The following AP3D1 variants were observed in gnomAD, a reference collection of about 807,000 sequenced individuals.
AP3D1 encodes AP-3 complex subunit delta-1.
AP3D1 carries 51 observed loss-of-function variants against 147.6 expected under a neutral mutation model. The observed-to-expected ratio is 0.35, with a 90% confidence interval of 0.28 to 0.44. The LOEUF (loss-of-function observed/expected upper bound fraction) is 0.44. Among genes scored for constraint, AP3D1 ranks in the 20% least tolerant of loss-of-function variants. The probability of loss-of-function intolerance (pLI) is 1.00; values close to 1 mark genes in which losing one functional copy is unlikely to be tolerated. For synonymous variants in AP3D1, 760 were observed against 663.0 expected (o/e 1.15, Z -2.25); for missense variants, 1,421 against 1,624.2 (o/e 0.87, Z 2.15).
chr19:2,118,610 C>T lies in AP3D1; in HGVS notation c.1704G>A (p.Val568=), dbSNP rs2018522990. ...PQFVQSADLE[V]QERASCILQL... is the part of the protein sequence containing the mutation. Reference sequence around the variant, plus strand: ...GAGTGTTGGATCTTACCCGCTCCTGCACCTCCAGGTCTGCGCTCTGCACAA... The same window carrying T: ...GAGTGTTGGATCTTACCCGCTCCTGTACCTCCAGGTCTGCGCTCTGCACAA... Residue 568 remains valine, a synonymous_variant, in exon 15 of 32, where the codon GTG becomes GTA. Coordinates refer to ENST00000643116, the MANE Select transcript of AP3D1 (RefSeq NM_001261826.3). 6.2e-7 allele frequency: 1 copy of T among 1,609,048 alleles called. No homozygotes were observed. The highest frequency in any genetic ancestry group is 1.1e-5 in the South Asian group (1 of 91,026).
At chr19:2,159,366 G>T (rs1034392052) in intron 1 of AP3D1, among the ~76,000 whole-genome samples, 3 of 150,452 alleles carry the variant, frequency 2.0e-5, no homozygotes, top group African/African-American at 7.4e-5. Flanking sequence ...TTACAGGCAT[G>T]CGCCACCATG....
chr19:2,132,617 T>C (rs1337453117), intron 4 of AP3D1, 39 bp from the exon 5 acceptor site: 1 of 1,568,102 alleles, frequency 6.4e-7, no homozygotes, highest in South Asian at 1.1e-5. Flanking sequence ...CAGGATGCCC[T>C]GGGTGGCACA....
At chr19:2,112,178 CGCA>C (rs967364966) in intron 24 of AP3D1, 19 of 313,826 alleles carry the variant, frequency 6.1e-5, no homozygotes, top group Non-Finnish European at 9.6e-5. Flanking sequence ...ACGCGCACTG[CGCA>C]GATGTTCAAA....
intron 8 of AP3D1, among the ~76,000 whole-genome samples, chr19:2,128,087 T>C (rs949541268): frequency 6.6e-6 from 1 of 152,216 alleles, no homozygotes; most frequent in African/African-American, 2.4e-5. Flanking sequence ...GTCATGGCGA[T>C]GACGCCTCTG....
At position 2,117,362 on chromosome 19, in the gene AP3D1, G is replaced by A; in HGVS notation, c.1719C>T (p.Ser573=). The A allele has an allele frequency of 1.2e-6, 2 of 1,600,504 alleles. No individual in the cohort carries two copies. Among genetic ancestry groups the A allele is most frequent in the South Asian group, 1.1e-5 (1 of 89,960 alleles). The stretch of plus-strand genomic sequence containing the variant: ...TGTGCTTGACCAGCTGCAGGATGCA[G>A]GACGCCTGTGGGGGACACAGGGGTC... ...SADLEVQERA[S]CILQLVKHIQ... is the part of the protein sequence containing the mutation. The change falls in exon 16 of 32, where the codon TCC becomes TCT. Residue 573 remains serine, a synonymous_variant. Transcript: ENST00000643116.
At position 2,115,299 on chromosome 19, in the gene AP3D1, G is replaced by A; in HGVS notation, c.2269C>T (p.His757Tyr). Reference sequence around the variant, plus strand: ...TCGCTCTCCGTGGGCAGCGAGCTGTGGCGGCGCTTGCCCTTCTTCTCCTTC... The same window carrying A: ...TCGCTCTCCGTGGGCAGCGAGCTGTAGCGGCGCTTGCCCTTCTTCTCCTTC... ...KEKEKKGKRRHSSLPTESDED... is the reference protein window; with the variant it reads ...KEKEKKGKRRYSSLPTESDED... The change falls in exon 20 of 32, where the codon CAC (histidine) becomes TAC (tyrosine). Residue 757 changes from histidine (H) to tyrosine (Y), a missense_variant. By Grantham distance (83) the His-to-Tyr change is moderately conservative. Coordinates refer to ENST00000643116, the MANE Select transcript of AP3D1 (RefSeq NM_001261826.3). 6.2e-7 allele frequency: 1 copy of A among 1,612,950 alleles called. No individual in the cohort carries two copies. Among genetic ancestry groups the A allele is most frequent in the Non-Finnish European group, 8.5e-7 (1 of 1,179,972 alleles).
rs753576154 is a variant in AP3D1 at position 2,102,145 on chromosome 19, G to C, written c.*28C>G. On this transcript the variant is annotated 3_prime_UTR_variant, in exon 32 of 32. Coordinates refer to ENST00000643116, the MANE Select transcript of AP3D1 (RefSeq NM_001261826.3). ...TGCGGTCCCTGGGTACGTGCTCCGC[G>C]GGGTGGTGCGGGGCTCGCAGGCAGC... 1 of 1,579,368 alleles carries C rather than the reference G, an allele frequency of 6.3e-7. No homozygotes were observed. Among genetic ancestry groups the C allele is most frequent in the East Asian group, 2.2e-5 (1 of 44,720 alleles).
rs199606019 is a variant in AP3D1, at chr19:2,101,458, A to ACACACGCCCG, written c.*714_*715insCGGGCGTGTG. On this transcript the variant is annotated 3_prime_UTR_variant, in exon 32 of 32. Transcript: ENST00000643116. Reference sequence around the variant, plus strand: ...TAGTGGCAAGCAGGGGATGCGGACCACCCCAAACCCAAGCCGAGATGCACT... The same window carrying ACACACGCCCG: ...TAGTGGCAAGCAGGGGATGCGGACCACACACGCCCGCCCCAAACCCAAGCCGAGATGCACT... 3 of 151,936 alleles carry ACACACGCCCG rather than the reference A, an allele frequency of 2.0e-5. No homozygotes were observed. Among genetic ancestry groups the ACACACGCCCG allele is most frequent in the African/African-American group, 7.3e-5 (3 of 41,280 alleles). 9.4% of individuals were successfully genotyped at this position (151,936 alleles called of 1,614,324 possible). A position where few individuals can be genotyped will look rare whatever the true frequency, so the allele number is the denominator to read the frequency against.
chr19:2,128,347 T>C (rs548915628), intron 8 of AP3D1, among the ~76,000 whole-genome samples: 18 of 152,230 alleles, frequency 1.2e-4, no homozygotes, highest in African/African-American at 4.1e-4. Context: ...GGAATGCCAC[T>C]ACAGGCTTCC....
chr19:2,150,447 CG>C (rs1305740319), intron 1 of AP3D1, among the ~76,000 whole-genome samples: 1 of 152,224 alleles, frequency 6.6e-6, no homozygotes, highest in Non-Finnish European at 1.5e-5. Flanking sequence ...ACGATCCCCA[CG>C]GTTGTAATTT....
chr19:2,158,431 A>G (rs951244160), intron 1 of AP3D1, among the ~76,000 whole-genome samples: 9 of 147,632 alleles, frequency 6.1e-5, no homozygotes, highest in Non-Finnish European at 1.0e-4. Context: ...ATCTGAGCTC[A>G]CTGCAGCCTC....
chr19:2,111,506 CG>C (rs1010519171), intron 25 of AP3D1, 172 bp downstream of exon 25: 40 of 1,198,602 alleles, frequency 3.3e-5, no homozygotes, highest in Non-Finnish European at 4.5e-5. Flanking sequence ...CAGCCCACCA[CG>C]GGGGTGCCTA....
At chr19:2,157,359 G>T (rs1457723764) in intron 1 of AP3D1, among the ~76,000 whole-genome samples, 1 of 146,854 alleles carries the variant, frequency 6.8e-6, no homozygotes, top group Non-Finnish European at 1.5e-5. Context: ...GGAGAATGGC[G>T]TGAACCCGGG....
rs1027911298 is a variant in AP3D1, at chr19:2,114,131, C to T, written c.2595G>A (p.Glu865=). 1 of 1,542,662 alleles carries T rather than the reference C, an allele frequency of 6.5e-7. No individual in the cohort carries two copies. Among genetic ancestry groups the T allele is most frequent in the South Asian group, 1.2e-5 (1 of 84,496 alleles). The change falls in exon 22 of 32, where the codon GAG becomes GAA. Residue 865 remains glutamate, a synonymous_variant. Transcript: ENST00000643116. Reference sequence around the variant, plus strand: ...CCCTGGGCACTAGCCTTACCTTCTTCTCCTTCTCCTTCTTCTTCTCCTTGT... The same window carrying T: ...CCCTGGGCACTAGCCTTACCTTCTTTTCCTTCTCCTTCTTCTTCTCCTTGT... The part of the protein sequence containing the change: ...ERDKEKKKEK[E]KKAEDLDFWL...
At chr19:2,116,489 A>G (rs2018453149) in intron 17 of AP3D1, 116 bp downstream of exon 17, 3 of 1,344,300 alleles carry the variant, frequency 2.2e-6, no homozygotes, top group African/African-American at 1.5e-5. Context: ...AGGGACGCCC[A>G]TGCCTCCACT....
At chr19:2,129,230 G>A (rs1004912063) in intron 7 of AP3D1, 67 bp from the exon 8 acceptor site, 4 of 1,610,194 alleles carry the variant, frequency 2.5e-6, no homozygotes, top group South Asian at 2.2e-5. Context: ...GACAGGGGGG[G>A]CCTCGGTCAC....
At position 2,110,837 on chromosome 19, in the gene AP3D1, C is replaced by T. The variant is rs1449056628; in HGVS notation, c.3045G>A (p.Leu1015=). ...TGAGGATGCTGCTGCTCCTGTTCTC[C>T]AGCACGATGGCCACAGTGACCTGGC... ...EDSQVTVAIV[L]ENRSSSILKG... Residue 1015 remains leucine, a synonymous_variant, in exon 27 of 32, where the codon CTG becomes CTA. Coordinates refer to ENST00000643116, the MANE Select transcript of AP3D1 (RefSeq NM_001261826.3). 1 of 1,613,538 alleles carries T rather than the reference C, an allele frequency of 6.2e-7. No individual in the cohort carries two copies. The highest frequency in any genetic ancestry group is 2.2e-5 in the East Asian group (1 of 44,898).
At chr19:2,103,314 C>T (rs887221344) in intron 31 of AP3D1, among the ~76,000 whole-genome samples, 6 of 152,098 alleles carry the variant, frequency 3.9e-5, no homozygotes, top group African/African-American at 1.2e-4. Flanking sequence ...AAGTGGGAGC[C>T]GGCACCTGAG....
chr19:2,118,943 CT>C, intron 14 of AP3D1, 111 bp from the exon 15 acceptor site: 5 of 1,013,910 alleles, frequency 4.9e-6, no homozygotes, highest in Non-Finnish European at 5.7e-6. Context: ...ACTCTGGGCC[CT>C]TCCCATTCCC....
Sources: allele counts gnomAD v4.1 joint callset (sites outside exome capture counted in the v4.1 genomes callset), GRCh38; gene constraint gnomAD v4.1.1; transcripts MANE v1.5; gene names NCBI Gene and HGNC (gene_info 2026-07-23, HGNC 2026-07-21).